PLOD2: variants seen among roughly 807,000 people sequenced by gnomAD.
The protein encoded by PLOD2 is lysine hydroxylase 2.
Under a neutral mutation model 101.0 loss-of-function variants are expected in PLOD2, and 65 were observed. That is an observed-to-expected ratio of 0.64 (90% CI 0.53 to 0.79). The LOEUF (loss-of-function observed/expected upper bound fraction) is 0.79. Among genes scored for constraint, PLOD2 ranks in the 30% least tolerant of loss-of-function variants. PLOD2 has a pLI of 0.00. For synonymous variants in PLOD2, 314 were observed against 302.9 expected (o/e 1.04, Z -0.38); for missense variants, 909 against 914.6 (o/e 0.99, Z 0.08).
At chr3:146,142,739 T>C (rs550907467) in intron 1 of PLOD2, among the ~76,000 whole-genome samples, 3 of 152,182 alleles carry the variant, frequency 2.0e-5, no homozygotes, top group Admixed American at 6.6e-5. Context: ...GTACAATAAA[T>C]AACAAACGAT....
At chr3:146,071,777 GA>G (rs1166141480) in intron 17 of PLOD2, among the ~76,000 whole-genome samples, 1 of 151,676 alleles carries the variant, frequency 6.6e-6, no homozygotes, top group Non-Finnish European at 1.5e-5. Context: ...TCAGCTGCTT[GA>G]TGAGCATACA....
Sources: allele counts gnomAD v4.1 joint callset (sites outside exome capture counted in the v4.1 genomes callset), GRCh38; gene constraint gnomAD v4.1.1; transcripts MANE v1.5; gene names NCBI Gene and HGNC (gene_info 2026-07-23, HGNC 2026-07-21).